The following KALRN variants were observed in gnomAD, a reference collection of about 807,000 sequenced individuals.
The protein encoded by KALRN is kalirin RhoGEF kinase, also known as kalirin.
Under a neutral mutation model 353.7 loss-of-function variants are expected in KALRN, and 70 were observed. The ratio of observed to expected loss-of-function variants is 0.20; its 90% CI spans 0.16 to 0.24. KALRN has a LOEUF of 0.24. KALRN is among the 10% of genes least tolerant of loss of function. KALRN has a pLI of 1.00. For missense variants in KALRN, 2,791 were observed against 3,756.7 expected, an observed-to-expected ratio of 0.74 and a Z score of 6.72; for synonymous variants, 1,391 against 1,434.8, an observed-to-expected ratio of 0.97 and a Z score of 0.69.
At chr3:124,469,814 G>C (rs2060710403) in intron 25 of KALRN, among the ~76,000 whole-genome samples, 1 of 152,152 alleles carries the variant, frequency 6.6e-6, no homozygotes, top group African/African-American at 2.4e-5. Flanking sequence ...TTTCCATTTA[G>C]ATGCAGACTG....
Position 124,682,292 on chromosome 3 carries a change from A to T in KALRN, c.7377+2775A>T, listed in dbSNP as rs565847137. Among the ~76,000 whole-genome samples the T allele has an allele frequency of 2.0e-5, 3 of 151,936 alleles. No individual in the cohort carries two copies. In the East Asian group the frequency reaches 5.8e-4, roughly 29 times the overall value. ...ATTCCCAGACCCAGCCTGGCCCCCA[A>T]CCTCACCCTTGTCTTCTGAACTTGA... On this transcript the variant is annotated intron_variant, in intron 51 of 59. Coordinates refer to ENST00000682506, the MANE Select transcript of KALRN (RefSeq NM_001388419.1).
At chr3:124,507,827 A>G (rs2065404654) in intron 33 of KALRN, among the ~76,000 whole-genome samples, 1 of 152,248 alleles carries the variant, frequency 6.6e-6, no homozygotes, top group Admixed American at 6.5e-5. Context: ...ACCACCCAAT[A>G]TGTTACATTT....
chr3:124,536,404 GT>G (rs2068524597), intron 33 of KALRN, among the ~76,000 whole-genome samples: 1 of 151,938 alleles, frequency 6.6e-6, no homozygotes, highest in Non-Finnish European at 1.5e-5. Context: ...GTTTTGCCAT[GT>G]TGGCCAGGCT....
At chr3:124,548,725 C>A (rs2070042316) in intron 33 of KALRN, among the ~76,000 whole-genome samples, 1 of 152,260 alleles carries the variant, frequency 6.6e-6, no homozygotes. Context: ...GCAATCTCAG[C>A]TCACTGCAAC....
chr3:124,105,182 T>C (rs1483058584), intron 1 of KALRN, among the ~76,000 whole-genome samples: 7 of 152,166 alleles, frequency 4.6e-5, no homozygotes, highest in South Asian at 2.1e-4. Context: ...TTCTTACTCT[T>C]CATATTAAAG....
chr3:124,522,929 G>A (rs2067284165), intron 33 of KALRN, among the ~76,000 whole-genome samples: 1 of 152,172 alleles, frequency 6.6e-6, no homozygotes, highest in South Asian at 2.1e-4. Flanking sequence ...AAGACCCCAA[G>A]CATGGAGGAA....
At chr3:124,374,254 A>G (rs7621538) in intron 10 of KALRN, 5,046 of 152,462 alleles carry the variant, frequency 0.033, 215 homozygotes, top group African/African-American at 0.1. Flanking sequence ...CAGCCTCTAG[A>G]ACTGTAAGAA....
Position 124,632,422 on chromosome 3 carries a change from G to A in KALRN, c.5185G>A (p.Ala1729Thr), listed in dbSNP as rs775528206. 1 of 1,613,756 alleles carries A rather than the reference G, an allele frequency of 6.2e-7. No individual in the cohort carries two copies. ...MDCFFPLVKD[A>T]YSHSSSENGG... ...CTGTGTCTGTCCGTTTTCCTCAGAT[G>A]CATACTCTCATTCCTCAAGCGAGAA... Residue 1729 changes from alanine to threonine, a missense_variant and splice_region_variant, in exon 35 of 60, where the codon GCA becomes ACA. Coordinates refer to ENST00000682506, the MANE Select transcript of KALRN (RefSeq NM_001388419.1).
At chr3:124,322,640 A>G (rs934955979) in intron 6 of KALRN, among the ~76,000 whole-genome samples, 1 of 152,248 alleles carries the variant, frequency 6.6e-6, no homozygotes, top group Non-Finnish European at 1.5e-5. Context: ...GTCACCCAGA[A>G]GAACCACACA....
At chr3:124,243,437 G>A (rs1381857206) in intron 3 of KALRN, among the ~76,000 whole-genome samples, 5 of 152,220 alleles carry the variant, frequency 3.3e-5, no homozygotes, top group Non-Finnish European at 7.3e-5. Flanking sequence ...GTAACTATGA[G>A]AAGCAGCCCT....
At chr3:124,109,486 A>G (rs1367696523) in intron 1 of KALRN, among the ~76,000 whole-genome samples, 6 of 152,046 alleles carry the variant, frequency 3.9e-5, no homozygotes, top group Non-Finnish European at 8.8e-5. Flanking sequence ...ATTTTATGAA[A>G]AATACTTTCA....
In KALRN at chr3:124,447,431, C is replaced by CATACCAAGATTGTGGGAAATGCT. The variant is rs2093876361; in HGVS notation, c.3552+550_3552+572dup. ...ATGTGCAAGGATGTACATACCAATT[C>CATACCAAGATTGTGGGAAATGCT]ATACCAAGATTGTGGGAAATGCTAT... On this transcript the variant is annotated intron_variant, in intron 21 of 59. Coordinates refer to ENST00000682506, the MANE Select transcript of KALRN (RefSeq NM_001388419.1). Among the ~76,000 whole-genome samples the CATACCAAGATTGTGGGAAATGCT allele has an allele frequency of 5.9e-5, 9 of 152,302 alleles. No individual in the cohort carries two copies. The South Asian group carries it at 1.9e-3, about 32-fold the overall frequency.
At chr3:124,327,047 C>T (rs1208613374) in intron 7 of KALRN, among the ~76,000 whole-genome samples, 1 of 152,130 alleles carries the variant, frequency 6.6e-6, no homozygotes, top group Non-Finnish European at 1.5e-5. Context: ...GGTGATGTCA[C>T]ATTGGTAGCT....
intron 34 of KALRN, among the ~76,000 whole-genome samples, chr3:124,592,297 G>A (rs1050697731): frequency 4.0e-5 from 5 of 123,474 alleles, no homozygotes; most frequent in Admixed American, 1.9e-4. Flanking sequence ...GCAAGACTCC[G>A]TCTCAAAGAA....
chr3:124,179,764 A>G (rs868493980), intron 1 of KALRN, among the ~76,000 whole-genome samples: 53 of 152,330 alleles, frequency 3.5e-4, no homozygotes, highest in African/African-American at 1.1e-3. Context: ...CATCATATAT[A>G]TGGTCTGTCA....
intron 48 of KALRN, among the ~76,000 whole-genome samples, chr3:124,672,303 G>A (rs1346371795): frequency 6.6e-6 from 1 of 152,186 alleles, no homozygotes; most frequent in Admixed American, 6.5e-5. Context: ...AGCACACTAA[G>A]TACAGTCTAG....
intron 39 of KALRN, among the ~76,000 whole-genome samples, chr3:124,656,986 G>A (rs2084129457): frequency 6.6e-6 from 1 of 152,180 alleles, no homozygotes; most frequent in South Asian, 2.1e-4. Context: ...ACACCCAGGT[G>A]CCTGGGTTTT....
In KALRN at chr3:124,633,927, G is replaced by A; in HGVS notation, c.5542G>A (p.Asp1848Asn). 7 of 1,613,994 alleles carry A rather than the reference G, an allele frequency of 4.3e-6. No individual in the cohort carries two copies. Among genetic ancestry groups the A allele is most frequent in the Non-Finnish European group, 5.9e-6 (7 of 1,179,952 alleles). Reference protein sequence around the residue: ...TPLPPPMKIFDNDPTQDEMSS... With the variant: ...TPLPPPMKIFNNDPTQDEMSS... ...CCTCCCACCACCTATGAAGATTTTT[G>A]ACAACGACCCTACACAGGATGAAAT... The change falls in exon 36 of 60, where the codon GAC (aspartate) becomes AAC (asparagine). Residue 1848 changes from aspartate (D) to asparagine (N), a missense_variant. Coordinates refer to ENST00000682506, the MANE Select transcript of KALRN (RefSeq NM_001388419.1).
In KALRN at chr3:124,462,554, G is replaced by A; in HGVS notation, c.3952G>A (p.Glu1318Lys). The change falls in exon 25 of 60, where the codon GAG becomes AAG. Residue 1318 changes from glutamate (E) to lysine (K), a missense_variant. Glu to Lys is a moderately conservative substitution (Grantham distance 56, BLOSUM62 1). This residue lies in a region of KALRN where 268 missense variants were observed against 347.0 expected (regional missense o/e 0.77). Coordinates refer to ENST00000682506, the MANE Select transcript of KALRN (RefSeq NM_001388419.1). ...CCTGTGGGAAATGACCAGTGGTGTG[G>A]AGGAGATCCCCCCTGGGATCCTCAA... Reference protein sequence around the residue: ...TYLWEMTSGVEEIPPGILNKE... With the variant: ...TYLWEMTSGVKEIPPGILNKE... The A allele has an allele frequency of 6.2e-7, 1 of 1,610,902 alleles. No individual in the cohort carries two copies. Among genetic ancestry groups the A allele is most frequent in the Non-Finnish European group, 8.5e-7 (1 of 1,177,126 alleles).
Sources: gnomAD v4.1 joint callset for allele counts (sites outside exome capture counted in the v4.1 genomes callset) on GRCh38, gnomAD v4.1.1 for gene constraint, gnomAD v4.1.1 regional missense constraint, MANE v1.5 for transcripts, NCBI Gene and HGNC (gene_info 2026-07-23, HGNC 2026-07-21) for gene names.